The following CYSLTR1 variants were observed in gnomAD, a reference collection of about 807,000 sequenced individuals.
The protein encoded by CYSLTR1 is cysteinyl leukotriene receptor 1.
CYSLTR1 carries 1 observed loss-of-function variant against 2.1 expected under a neutral mutation model. The observed-to-expected ratio is 0.48, with a 90% CI of 0.17 to 2.28. CYSLTR1 has a LOEUF of 2.28. Ranked by LOEUF, CYSLTR1 falls within the 30% of genes most tolerant of loss-of-function variation. CYSLTR1 has a pLI of 0.26. For missense variants in CYSLTR1, 299 were observed against 250.1 expected (o/e 1.20, Z -1.32); for synonymous variants, 110 against 89.6 (o/e 1.23, Z -1.28).
intron 2 of CYSLTR1, among the ~76,000 whole-genome samples, chrX:78,280,977 G>C (rs1231030190): frequency 8.9e-6 from 1 of 112,117 alleles, no homozygotes; most frequent in East Asian, 2.8e-4. Context: ...TCTTTATCCA[G>C]TCTTCTATTC....
chrX:78,297,648 G>A (rs1922631208), intron 1 of CYSLTR1, among the ~76,000 whole-genome samples: 1 of 110,963 alleles, frequency 9.0e-6, no homozygotes, highest in African/African-American at 3.3e-5. Context: ...ATTACTTTTG[G>A]ATTTTCCAAT....
chrX:78,292,205 T>C (rs1175885600), intron 1 of CYSLTR1, among the ~76,000 whole-genome samples: 3 of 112,297 alleles, frequency 2.7e-5, no homozygotes, highest in Non-Finnish European at 1.9e-5. Context: ...CATCTTTATC[T>C]CTGCCTTCAT....
intron 2 of CYSLTR1, among the ~76,000 whole-genome samples, chrX:78,274,161 A>G (rs756012088): frequency 9.0e-6 from 1 of 111,520 alleles, no homozygotes; most frequent in South Asian, 3.7e-4. Flanking sequence ...GAATATATCT[A>G]TATTTATACC....
At chrX:78,273,876 G>A (rs946332162) in intron 2 of CYSLTR1, 103 bp from the exon 3 acceptor site, 1 of 702,211 alleles carries the variant, frequency 1.4e-6, no homozygotes, top group African/African-American at 2.2e-5. Flanking sequence ...TTTGACCACA[G>A]CAGCAAGCAA....
At chrX:78,291,812 C>G (rs1379435572) in intron 1 of CYSLTR1, among the ~76,000 whole-genome samples, 3 of 110,103 alleles carry the variant, frequency 2.7e-5, no homozygotes, top group African/African-American at 9.9e-5. Context: ...GGTGATATCC[C>G]CTTTATTGTT....
intron 1 of CYSLTR1, among the ~76,000 whole-genome samples, chrX:78,294,705 A>G (rs1922502519): frequency 8.9e-6 from 1 of 112,700 alleles, no homozygotes; most frequent in South Asian, 3.6e-4. Context: ...CCCTCCACCC[A>G]GCAGGCTGAA....
chrX:78,297,278 A>C (rs1406806818), intron 1 of CYSLTR1, among the ~76,000 whole-genome samples: 1 of 111,600 alleles, frequency 9.0e-6, no homozygotes, highest in African/African-American at 3.2e-5. Context: ...TGTATTGTCA[A>C]ATTTGGTTTG....
intron 1 of CYSLTR1, among the ~76,000 whole-genome samples, chrX:78,308,046 T>A (rs1434367816): frequency 9.2e-6 from 1 of 109,207 alleles, no homozygotes; most frequent in Non-Finnish European, 1.9e-5. Context: ...AAGAAGCTCT[T>A]GAAAAAAAAA....
chrX:78,304,159 G>T (rs1286965479), intron 1 of CYSLTR1, among the ~76,000 whole-genome samples: 1 of 111,886 alleles, frequency 8.9e-6, no homozygotes, highest in Non-Finnish European at 1.9e-5. Context: ...AGATTTGAAA[G>T]TGATTTCTAA....
At chrX:78,322,760 G>T (rs1923715237) in intron 1 of CYSLTR1, among the ~76,000 whole-genome samples, 1 of 111,803 alleles carries the variant, frequency 8.9e-6, no homozygotes, top group Non-Finnish European at 1.9e-5. Flanking sequence ...ATTCTCATTG[G>T]TATTAAAAAC....
chrX:78,304,845 C>A, intron 1 of CYSLTR1, among the ~76,000 whole-genome samples: 1 of 112,016 alleles, frequency 8.9e-6, no homozygotes, highest in African/African-American at 3.2e-5. Flanking sequence ...TGCACACTTA[C>A]ACATAGACAT....
intron 1 of CYSLTR1, among the ~76,000 whole-genome samples, chrX:78,291,749 T>C (rs1265874531): frequency 8.9e-6 from 1 of 111,821 alleles, no homozygotes; most frequent in African/African-American, 3.3e-5. Context: ...TTTATTTGCA[T>C]AGAGGTGTTT....
intron 1 of CYSLTR1, among the ~76,000 whole-genome samples, chrX:78,308,110 G>A (rs935022400): frequency 9.1e-6 from 1 of 110,358 alleles, no homozygotes; most frequent in South Asian, 3.9e-4. Flanking sequence ...CTGTCCAGTT[G>A]CCTGATTGGT....
intron 1 of CYSLTR1, among the ~76,000 whole-genome samples, chrX:78,294,396 C>T (rs773397143): frequency 8.0e-4 from 90 of 112,612 alleles, no homozygotes; most frequent in Non-Finnish European, 1.5e-4. Flanking sequence ...CTGTCGGCCC[C>T]TACTGGGAGG....
At chrX:78,278,827 A>C (rs1921715462) in intron 2 of CYSLTR1, among the ~76,000 whole-genome samples, 1 of 112,257 alleles carries the variant, frequency 8.9e-6, no homozygotes, top group South Asian at 3.7e-4. Flanking sequence ...TCTGATATTC[A>C]ACAAAGTCAA....
chrX:78,299,939 T>A (rs765698695), intron 1 of CYSLTR1, among the ~76,000 whole-genome samples: 13 of 111,864 alleles, frequency 1.2e-4, no homozygotes, highest in Non-Finnish European at 2.1e-4. Flanking sequence ...TTTGCCCTTT[T>A]GAGGCTATTT....
intron 1 of CYSLTR1, among the ~76,000 whole-genome samples, chrX:78,312,543 C>T (rs1923255502): frequency 8.9e-6 from 1 of 111,814 alleles, no homozygotes; most frequent in Non-Finnish European, 1.9e-5. Context: ...ATACAGCTTA[C>T]AGAATGGGAG....
chrX:78,293,183 A>T (rs1453553317), intron 1 of CYSLTR1, among the ~76,000 whole-genome samples: 1 of 109,751 alleles, frequency 9.1e-6, no homozygotes, highest in Non-Finnish European at 1.9e-5. Context: ...GTGGTGACAA[A>T]ATCTCTCAGC....
At chrX:78,293,733 C>T (rs1047932010) in intron 1 of CYSLTR1, among the ~76,000 whole-genome samples, 2 of 111,490 alleles carry the variant, frequency 1.8e-5, no homozygotes, top group Non-Finnish European at 3.8e-5. Flanking sequence ...TTCATTTGAT[C>T]TTCAATCACT....
Sources: allele counts gnomAD v4.1 joint callset (sites outside exome capture counted in the v4.1 genomes callset), GRCh38; gene constraint gnomAD v4.1.1; transcripts MANE v1.5; gene names NCBI Gene and HGNC (gene_info 2026-07-23, HGNC 2026-07-21).